AGPAT5: variants seen among roughly 807,000 people sequenced by gnomAD.
The protein encoded by AGPAT5 is 1-acyl-sn-glycerol-3-phosphate acyltransferase epsilon.
A neutral mutation model predicts 45.6 loss-of-function variants in AGPAT5; 46 were observed. That is an observed-to-expected ratio of 1.01 (90% CI 0.80 to 1.29). The LOEUF (loss-of-function observed/expected upper bound fraction) is 1.29. Among genes scored for constraint, AGPAT5 ranks in the 50% most tolerant of loss-of-function variants. The probability of loss-of-function intolerance (pLI) is 0.00; values close to 1 mark genes in which losing one functional copy is unlikely to be tolerated. For synonymous variants in AGPAT5, 272 were observed against 167.0 expected, an observed-to-expected ratio of 1.63 and a Z score of -4.85; for missense variants, 673 against 450.7, an observed-to-expected ratio of 1.49 and a Z score of -4.47.
intron 5 of AGPAT5, 49 bp from the exon 6 acceptor site, chr8:6,747,621 G>T (rs183114257): frequency 1.3e-6 from 2 of 1,531,408 alleles, no homozygotes; most frequent in South Asian, 2.4e-5. Context: ...ACAGTATATT[G>T]TGGAGGTGTT....
intron 6 of AGPAT5, among the ~76,000 whole-genome samples, chr8:6,749,273 G>C (rs1191139472): frequency 6.6e-6 from 1 of 152,176 alleles, no homozygotes; most frequent in East Asian, 1.9e-4. Flanking sequence ...AGGGAGGCTG[G>C]AGGAGTGAGG....
chr8:6,724,774 CACA>C (rs1448600549), intron 1 of AGPAT5, 93 bp from the exon 2 acceptor site: 27 of 395,416 alleles, frequency 6.8e-5, no homozygotes, highest in African/African-American at 5.3e-4. Context: ...TGGAAATATT[CACA>C]ACATCATTCG....
intron 6 of AGPAT5, among the ~76,000 whole-genome samples, chr8:6,753,153 A>G (rs140798844): frequency 3.1e-4 from 47 of 152,360 alleles, no homozygotes; most frequent in African/African-American, 1.1e-3. Flanking sequence ...AAAAGGACCC[A>G]TGCACATTTC....
At chr8:6,740,374 A>G (rs1801207201) in intron 4 of AGPAT5, among the ~76,000 whole-genome samples, 1 of 151,628 alleles carries the variant, frequency 6.6e-6, no homozygotes, top group Non-Finnish European at 1.5e-5. Flanking sequence ...TTGCTATAAT[A>G]TAATAAGGAA....
chr8:6,710,143 A>G (rs1025440842), intron 1 of AGPAT5, among the ~76,000 whole-genome samples: 9 of 152,138 alleles, frequency 5.9e-5, no homozygotes, highest in African/African-American at 9.7e-5. Context: ...AAATAATTCT[A>G]TCTGTGGCGG....
chr8:6,723,056 G>C (rs1800561232), intron 1 of AGPAT5, among the ~76,000 whole-genome samples: 2 of 152,212 alleles, frequency 1.3e-5, no homozygotes, highest in African/African-American at 2.4e-5. Context: ...TAGATTTACA[G>C]AATGAAGCCT....
At chr8:6,738,621 G>A (rs1027167176) in intron 4 of AGPAT5, 8 of 152,080 alleles carry the variant, frequency 5.3e-5, no homozygotes, top group Non-Finnish European at 1.0e-4. Context: ...AACCTTCAAT[G>A]GGAAAAAAAT....
chr8:6,728,290 A>T (rs1475632511), intron 2 of AGPAT5, among the ~76,000 whole-genome samples: 2 of 152,224 alleles, frequency 1.3e-5, no homozygotes, highest in African/African-American at 4.8e-5. Flanking sequence ...GTTATTGTCA[A>T]AGTAATATAA....
At chr8:6,728,066 C>G (rs1443696620) in intron 2 of AGPAT5, among the ~76,000 whole-genome samples, 1 of 152,192 alleles carries the variant, frequency 6.6e-6, no homozygotes, top group African/African-American at 2.4e-5. Flanking sequence ...TGCAGTATCT[C>G]TTGGACTACA....
intron 1 of AGPAT5, among the ~76,000 whole-genome samples, chr8:6,710,706 T>C (rs1318175322): frequency 6.6e-6 from 1 of 152,242 alleles, no homozygotes; most frequent in Non-Finnish European, 1.5e-5. Context: ...TACACAAAGC[T>C]ACCTTTCAAT....
chr8:6,750,104 G>A (rs1009841227), intron 6 of AGPAT5, among the ~76,000 whole-genome samples: 10 of 152,212 alleles, frequency 6.6e-5, no homozygotes, highest in African/African-American at 2.2e-4. Flanking sequence ...CAAGGCTACT[G>A]TTCTCCCACA....
chr8:6,719,657 T>C (rs1003624967), intron 1 of AGPAT5, among the ~76,000 whole-genome samples: 1 of 152,200 alleles, frequency 6.6e-6, no homozygotes, highest in African/African-American at 2.4e-5. Flanking sequence ...TGGAGATGGG[T>C]AGCCTCCAGC....
intron 7 of AGPAT5, among the ~76,000 whole-genome samples, chr8:6,755,677 A>G (rs935811858): frequency 6.6e-6 from 1 of 152,200 alleles, no homozygotes; most frequent in African/African-American, 2.4e-5. Flanking sequence ...GGTTAATTAT[A>G]TTCAGAAATT....
chr8:6,752,597 C>A (rs1801690653), intron 6 of AGPAT5, among the ~76,000 whole-genome samples: 1 of 152,142 alleles, frequency 6.6e-6, no homozygotes, highest in South Asian at 2.1e-4. Context: ...GCAAGTAGAC[C>A]TGTGACCTGT....
chr8:6,737,683 A>G (rs190375038), intron 4 of AGPAT5, among the ~76,000 whole-genome samples: 1 of 152,338 alleles, frequency 6.6e-6, no homozygotes, highest in East Asian at 1.9e-4. Context: ...GTTCCTTTTC[A>G]GATAGGAGGC....
chr8:6,749,320 G>A (rs553016539), intron 6 of AGPAT5, among the ~76,000 whole-genome samples: 19 of 151,238 alleles, frequency 1.3e-4, no homozygotes, highest in Non-Finnish European at 2.5e-4. Flanking sequence ...GGTTATGGTC[G>A]AAGGAAAAAA....
intron 1 of AGPAT5, among the ~76,000 whole-genome samples, chr8:6,711,834 C>G (rs749614323): frequency 1.3e-5 from 2 of 152,202 alleles, no homozygotes; most frequent in Non-Finnish European, 1.5e-5. Context: ...TTGCTGCCAC[C>G]TCTTCTGTCT....
At chr8:6,730,684 C>A in intron 2 of AGPAT5, 27 bp from the exon 3 acceptor site, 1 of 1,511,898 alleles carries the variant, frequency 6.6e-7, no homozygotes, top group Non-Finnish European at 9.2e-7. Context: ...GCCTCATGTA[C>A]GCGCTAACTG....
At chr8:6,753,044 C>G (rs142619843) in intron 6 of AGPAT5, among the ~76,000 whole-genome samples, 37 of 152,206 alleles carry the variant, frequency 2.4e-4, no homozygotes, top group Non-Finnish European at 3.7e-4. Context: ...TAATAACAGC[C>G]CCTGCCTGCG....
Sources: allele counts gnomAD v4.1 joint callset (sites outside exome capture counted in the v4.1 genomes callset), GRCh38; gene constraint gnomAD v4.1.1; transcripts MANE v1.5; gene names NCBI Gene and HGNC (gene_info 2026-07-23, HGNC 2026-07-21).